ZCCHC17: variants seen among roughly 807,000 people sequenced by gnomAD.
The protein encoded by ZCCHC17 is zinc finger CCHC domain-containing protein 17.
Under a neutral mutation model 30.6 loss-of-function variants are expected in ZCCHC17, and 18 were observed. That is an observed-to-expected ratio of 0.59 (90% CI 0.41 to 0.87). The LOEUF is 0.87. ZCCHC17 is among the 40% of genes least tolerant of loss of function. ZCCHC17 has a pLI of 0.00. For missense variants in ZCCHC17, 263 were observed against 284.2 expected (o/e 0.93, Z 0.54); for synonymous variants, 88 against 92.4 (o/e 0.95, Z 0.27).
intron 5 of ZCCHC17, among the ~76,000 whole-genome samples, chr1:31,339,962 T>TTTTTTG: frequency 9.8e-6 from 1 of 102,140 alleles, no homozygotes; most frequent in African/African-American, 5.6e-5. Context: ...TTGGATTTCT[T>TTTTTTG]TTTTTTTTTT....
chr1:31,313,086 T>TC (rs1420400988), intron 2 of ZCCHC17, among the ~76,000 whole-genome samples: 19 of 148,048 alleles, frequency 1.3e-4, no homozygotes, highest in Non-Finnish European at 2.5e-4. Context: ...TTTTTTTTTT[T>TC]TTCTTTTTTT....
intron 3 of ZCCHC17, among the ~76,000 whole-genome samples, chr1:31,331,644 G>C (rs917026732): frequency 2.0e-5 from 3 of 151,014 alleles, no homozygotes; most frequent in African/African-American, 7.3e-5. Flanking sequence ...ATGGAGTCTC[G>C]CTCTGTTGCC....
At chr1:31,310,376 T>G (rs1646572715) in intron 2 of ZCCHC17, among the ~76,000 whole-genome samples, 1 of 152,248 alleles carries the variant, frequency 6.6e-6, no homozygotes. Context: ...TACCAGCATG[T>G]GTAATTTATG....
intron 2 of ZCCHC17, among the ~76,000 whole-genome samples, chr1:31,313,166 C>T (rs1246667000): frequency 6.7e-6 from 1 of 149,832 alleles, no homozygotes; most frequent in Non-Finnish European, 1.5e-5. Context: ...GCAACTTCCA[C>T]CTCCTGGGTT....
At chr1:31,328,118 G>A (rs758455787) in intron 3 of ZCCHC17, among the ~76,000 whole-genome samples, 3 of 152,118 alleles carry the variant, frequency 2.0e-5, no homozygotes, top group Non-Finnish European at 4.4e-5. Context: ...TTTTGCTGTC[G>A]AATTTCTAAC....
In ZCCHC17 at chr1:31,337,271, G is replaced by T; in HGVS notation, c.221G>T (p.Arg74Leu). ...GDKVWVKLIG[R>L]EMKNDRIKVS... is the part of the protein sequence containing the mutation. ...AAAGTGTGGGTGAAGCTTATTGGCCGAGAGGTAAAGTTCTGTGCGGCTCCC... is the reference window on the plus strand; with the variant it reads ...AAAGTGTGGGTGAAGCTTATTGGCCTAGAGGTAAAGTTCTGTGCGGCTCCC... The change falls in exon 4 of 8, where the codon CGA becomes CTA. Residue 74 changes from arginine (R) to leucine (L), a missense_variant. Transcript: ENST00000344147. The T allele has an allele frequency of 6.2e-7, 1 of 1,613,818 alleles. No homozygotes were observed. The highest frequency in any genetic ancestry group is 8.5e-7 in the Non-Finnish European group (1 of 1,179,788).
chr1:31,324,672 C>A (rs1392127398), intron 3 of ZCCHC17, among the ~76,000 whole-genome samples: 1 of 152,222 alleles, frequency 6.6e-6, no homozygotes, highest in African/African-American at 2.4e-5. Context: ...TGCTGCCATG[C>A]CAGCTTCCTA....
chr1:31,314,433 A>G (rs1260271060), intron 2 of ZCCHC17, among the ~76,000 whole-genome samples: 1 of 151,526 alleles, frequency 6.6e-6, no homozygotes, highest in East Asian at 1.9e-4. Context: ...GAGGAGTTAC[A>G]TTAAAATTGA....
At chr1:31,305,931 C>T (rs1646444526) in intron 1 of ZCCHC17, among the ~76,000 whole-genome samples, 1 of 152,120 alleles carries the variant, frequency 6.6e-6, no homozygotes, top group African/African-American at 2.4e-5. Context: ...GGGATACATT[C>T]CAAGACCCCC....
In ZCCHC17 at chr1:31,318,209, T is replaced by A. The variant is rs913921235; in HGVS notation, c.67-900T>A. 2.0e-6 allele frequency: 3 copies of A among 1,535,068 alleles called. No individual in the cohort carries two copies. The African/African-American group carries it at 4.1e-5, about 21-fold the overall frequency. ...CAGTGCTCAAGATGAAGCAGCTAATTGAAGACACTGAAAAGAATAAAGTTT... is the reference window on the plus strand; with the variant it reads ...CAGTGCTCAAGATGAAGCAGCTAATAGAAGACACTGAAAAGAATAAAGTTT... On this transcript the variant is annotated intron_variant, in intron 2 of 7. Coordinates refer to ENST00000344147, the MANE Select transcript of ZCCHC17 (RefSeq NM_016505.4).
At chr1:31,299,583 G>C (rs1187086966) in intron 1 of ZCCHC17, among the ~76,000 whole-genome samples, 1 of 152,238 alleles carries the variant, frequency 6.6e-6, no homozygotes, top group East Asian at 1.9e-4. Flanking sequence ...AGTCATGGCA[G>C]TAAATTTCTC....
chr1:31,313,412 T>C (rs762181284), intron 2 of ZCCHC17, among the ~76,000 whole-genome samples: 4 of 152,202 alleles, frequency 2.6e-5, no homozygotes, highest in South Asian at 2.1e-4. Flanking sequence ...ATACTTGATA[T>C]TCATACTTGG....
chr1:31,318,247 T>A, intron 2 of ZCCHC17: 1 of 1,521,378 alleles, frequency 6.6e-7, no homozygotes, highest in Non-Finnish European at 8.8e-7. Flanking sequence ...GTATGTAAGA[T>A]TATATTGAAT....
chr1:31,321,445 T>G (rs554407037), intron 3 of ZCCHC17, among the ~76,000 whole-genome samples: 2 of 152,368 alleles, frequency 1.3e-5, no homozygotes, highest in African/African-American at 4.8e-5. Flanking sequence ...TCGTATGTCT[T>G]TATTAGCAGT....
intron 3 of ZCCHC17, among the ~76,000 whole-genome samples, chr1:31,320,650 T>G (rs997669205): frequency 6.6e-6 from 1 of 152,236 alleles, no homozygotes; most frequent in Non-Finnish European, 1.5e-5. Flanking sequence ...TACTTAATTC[T>G]TTTTTATTGC....
intron 2 of ZCCHC17, chr1:31,318,317 C>A: frequency 8.2e-7 from 1 of 1,219,420 alleles, no homozygotes; most frequent in Non-Finnish European, 1.1e-6. Context: ...TACCCTCGAT[C>A]CACAGGTTGG....
chr1:31,344,862 G>GTTGTTTGTTTGTTTGT (rs71278777), intron 5 of ZCCHC17, among the ~76,000 whole-genome samples: 80,219 of 150,456 alleles, frequency 0.53, 22,371 homozygotes, highest in Non-Finnish European at 0.62. Flanking sequence ...GTTTTTTTTT[G>GTTGTTTGTTTGTTTGT]TTGTTTGTTT....
chr1:31,326,196 CAATGGTCACT>C (rs1553122307), intron 3 of ZCCHC17, among the ~76,000 whole-genome samples: 10 of 152,040 alleles, frequency 6.6e-5, no homozygotes, highest in Non-Finnish European at 1.5e-5. Flanking sequence ...AACAGATTAA[CAATGGTCACT>C]TCTGGGGAGT....
chr1:31,356,434 C>A (rs1235857617), intron 7 of ZCCHC17, among the ~76,000 whole-genome samples: 3 of 152,186 alleles, frequency 2.0e-5, no homozygotes, highest in Non-Finnish European at 4.4e-5. Flanking sequence ...AAATGGTAGA[C>A]CTGTTGAGGA....
Sources: allele counts gnomAD v4.1 joint callset (sites outside exome capture counted in the v4.1 genomes callset), GRCh38; gene constraint gnomAD v4.1.1; transcripts MANE v1.5; gene names NCBI Gene and HGNC (gene_info 2026-07-23, HGNC 2026-07-21).